The following DNAH9 variants were observed in gnomAD, a reference collection of about 807,000 sequenced individuals.
DNAH9 encodes dynein axonemal heavy chain 9.
A neutral mutation model predicts 471.6 loss-of-function variants in DNAH9; 345 were observed. The observed-to-expected ratio is 0.73, with a 90% confidence interval of 0.67 to 0.80. The LOEUF is 0.80. Among genes scored for constraint, DNAH9 ranks in the 30% least tolerant of loss-of-function variants. The probability of loss-of-function intolerance (pLI) is 0.00; values close to 1 mark genes in which losing one functional copy is unlikely to be tolerated. For missense variants in DNAH9, 5,407 were observed against 5,609.2 expected, an observed-to-expected ratio of 0.96 and a Z score of 1.15; for synonymous variants, 2,093 against 2,123.6, an observed-to-expected ratio of 0.99 and a Z score of 0.40.
chr17:11,949,038 T>A (rs889910597), intron 67 of DNAH9, among the ~76,000 whole-genome samples: 1 of 152,192 alleles, frequency 6.6e-6, no homozygotes. Context: ...CCCAGAGGTA[T>A]GAGTCCTTAG....
At position 11,942,277 on chromosome 17, in the gene DNAH9, A is replaced by G. The variant is rs781660178; in HGVS notation, c.12661-26A>G. 10 of 1,609,042 alleles carry G rather than the reference A, an allele frequency of 6.2e-6. No homozygotes were observed. The East Asian group carries it at 1.1e-4, about 18-fold the overall frequency. ...TTCTGGAGAATAGAGCCCTTTCTTA[A>G]CGCTGTGTTTCCTTCTGTGGGGCAG... On this transcript the variant is annotated intron_variant, in intron 66 of 68. Transcript: ENST00000262442.
chr17:11,685,759 T>A (rs1447019609), intron 19 of DNAH9, among the ~76,000 whole-genome samples: 1 of 151,962 alleles, frequency 6.6e-6, no homozygotes, highest in African/African-American at 2.4e-5. Context: ...GGGCACAGAA[T>A]TGGAAGGACT....
intron 32 of DNAH9, among the ~76,000 whole-genome samples, chr17:11,749,158 G>A (rs1422255468): frequency 2.3e-5 from 3 of 133,018 alleles, no homozygotes; most frequent in South Asian, 2.6e-4. Context: ...AATCTCAGCC[G>A]ACTGCAAGCT....
chr17:11,927,447 G>A (rs1974370082), intron 62 of DNAH9, among the ~76,000 whole-genome samples: 3 of 152,162 alleles, frequency 2.0e-5, no homozygotes, highest in South Asian at 4.1e-4. Flanking sequence ...GTATAAGGAA[G>A]GAGTCTAGTT....
intron 53 of DNAH9, among the ~76,000 whole-genome samples, chr17:11,877,467 T>C: frequency 4.1e-5 from 3 of 73,926 alleles, no homozygotes; most frequent in Admixed American, 2.0e-4. Context: ...GAACGAAAAC[T>C]CTGTCTAAAA....
chr17:11,668,939 C>G, intron 15 of DNAH9, 125 bp from the exon 16 acceptor site: 1 of 685,626 alleles, frequency 1.5e-6, no homozygotes, highest in Non-Finnish European at 2.5e-6. Context: ...TTTACATTTC[C>G]GTTTCCCTAC....
intron 57 of DNAH9, among the ~76,000 whole-genome samples, chr17:11,887,332 A>G (rs949110161): frequency 2.6e-5 from 4 of 152,200 alleles, no homozygotes; most frequent in African/African-American, 4.8e-5. Context: ...TAGACAATCA[A>G]ATGTGTCACT....
At chr17:11,964,553 T>A (rs1976527419) in intron 68 of DNAH9, among the ~76,000 whole-genome samples, 1 of 152,180 alleles carries the variant, frequency 6.6e-6, no homozygotes, top group African/African-American at 2.4e-5. Flanking sequence ...CCTAAAATCC[T>A]CTCCTCCATA....
chr17:11,692,542 C>A (rs1262492558), intron 20 of DNAH9, among the ~76,000 whole-genome samples: 1 of 152,084 alleles, frequency 6.6e-6, no homozygotes, highest in Admixed American at 6.5e-5. Flanking sequence ...TTGCAGGGGT[C>A]CAGAAAGAAC....
Position 11,891,924 on chromosome 17 carries a change from T to A in DNAH9, c.11260T>A (p.Tyr3754Asn). The A allele has an allele frequency of 6.2e-7, 1 of 1,613,906 alleles. No individual in the cohort carries two copies. Among genetic ancestry groups the A allele is most frequent in the Non-Finnish European group, 8.5e-7 (1 of 1,179,898 alleles). The change falls in exon 58 of 69, where the codon TAC (tyrosine) becomes AAC (asparagine). Residue 3754 changes from tyrosine to asparagine, a missense_variant. Around this residue, in one of 3 missense-constraint regions of DNAH9, gnomAD observed 4,636 missense variants for 4,900.3 expected, o/e 0.95. Coordinates refer to ENST00000262442, the MANE Select transcript of DNAH9 (RefSeq NM_001372.4). ...GCTCTTTGAGTGTGATAAGCTGACCTACCTTGCCCAGCTCACCTTTCAGGT... is the reference window on the plus strand; with the variant it reads ...GCTCTTTGAGTGTGATAAGCTGACCAACCTTGCCCAGCTCACCTTTCAGGT... The part of the protein sequence containing the change: ...RGLFECDKLT[Y>N]LAQLTFQILL...
intron 50 of DNAH9, among the ~76,000 whole-genome samples, chr17:11,859,306 G>A (rs183600670): frequency 3.8e-4 from 57 of 151,306 alleles, no homozygotes; most frequent in South Asian, 3.1e-3. Context: ...CAGCTACTCC[G>A]GAGGCTGAGG....
At chr17:11,846,057 C>T (rs1353092059) in intron 49 of DNAH9, among the ~76,000 whole-genome samples, 1,668 of 149,330 alleles carry the variant, frequency 0.011, 34 homozygotes, top group African/African-American at 0.039. Context: ...TTTTGGTGTT[C>T]TAGACATGAA....
intron 42 of DNAH9, among the ~76,000 whole-genome samples, chr17:11,794,513 G>A (rs1053543815): frequency 5.3e-5 from 8 of 152,144 alleles, no homozygotes; most frequent in African/African-American, 1.9e-4. Context: ...CTCTTCCTGA[G>A]TCTTCTCTTC....
At chr17:11,702,244 G>A (rs1391849623) in intron 24 of DNAH9, among the ~76,000 whole-genome samples, 1 of 152,194 alleles carries the variant, frequency 6.6e-6, no homozygotes, top group Non-Finnish European at 1.5e-5. Context: ...AGTTTCTGTA[G>A]ACCTTGTGAG....
At chr17:11,801,168 G>T (rs1246387972) in intron 43 of DNAH9, among the ~76,000 whole-genome samples, 1 of 152,164 alleles carries the variant, frequency 6.6e-6, no homozygotes, top group Non-Finnish European at 1.5e-5. Context: ...GAGGAGAGAA[G>T]TTGCCTAAGG....
chr17:11,829,854 A>T (rs1970626708), intron 48 of DNAH9, among the ~76,000 whole-genome samples: 1 of 152,370 alleles, frequency 6.6e-6, no homozygotes, highest in African/African-American at 2.4e-5. Flanking sequence ...GCTGAATTCA[A>T]CATGGCTCTG....
chr17:11,885,952 T>A (rs140547066), intron 56 of DNAH9, among the ~76,000 whole-genome samples: 518 of 152,348 alleles, frequency 3.4e-3, no homozygotes, highest in Admixed American at 6.9e-3. Context: ...CATATTGAGG[T>A]TTGCTTTTAG....
At chr17:11,948,759 C>T (rs1298238671) in intron 67 of DNAH9, among the ~76,000 whole-genome samples, 1 of 152,174 alleles carries the variant, frequency 6.6e-6, no homozygotes, top group Admixed American at 6.5e-5. Context: ...CACTTCTTCC[C>T]ATGTCCTCAG....
At chr17:11,790,744 TC>T (rs975098700) in intron 41 of DNAH9, among the ~76,000 whole-genome samples, 1 of 152,050 alleles carries the variant, frequency 6.6e-6, no homozygotes, top group African/African-American at 2.4e-5. Flanking sequence ...TCTTCTCACT[TC>T]TTGTATTCTA....
Sources: gnomAD v4.1 joint callset for allele counts (sites outside exome capture counted in the v4.1 genomes callset) on GRCh38, gnomAD v4.1.1 for gene constraint, gnomAD v4.1.1 regional missense constraint, MANE v1.5 for transcripts, NCBI Gene and HGNC (gene_info 2026-07-23, HGNC 2026-07-21) for gene names.